GLI2: variants seen among roughly 807,000 people sequenced by gnomAD.
GLI2 encodes the protein transcription activator GLI2.
Under a neutral mutation model 78.9 loss-of-function variants are expected in GLI2, and 22 were observed. That is an observed-to-expected ratio of 0.28 (90% CI 0.20 to 0.40). The LOEUF (loss-of-function observed/expected upper bound fraction) is 0.40. GLI2 is among the 10% of genes least tolerant of loss of function. The pLI is 1.00. For missense variants in GLI2, 2,097 were observed against 2,213.2 expected (o/e 0.95, Z 1.05); for synonymous variants, 974 against 963.7 (o/e 1.01, Z -0.20).
At chr2:120,906,973 T>C (rs1678565727) in intron 2 of GLI2, among the ~76,000 whole-genome samples, 1 of 152,158 alleles carries the variant, frequency 6.6e-6, no homozygotes, top group African/African-American at 2.4e-5. Flanking sequence ...AGTGTCTTAA[T>C]TCATCCCCTT....
chr2:120,773,931 T>TTCCTTCCC lies in GLI2; in HGVS notation c.-30-23357_-30-23356insTTCCCTCC, dbSNP rs1380796572. Among the ~76,000 whole-genome samples, 260 of 70,722 alleles carry TTCCTTCCC rather than the reference T, an allele frequency of 3.7e-3. 2 individuals carry two copies. Among genetic ancestry groups the TTCCTTCCC allele is most frequent in the African/African-American group, 0.017 (239 of 14,166 alleles). 46.4% of individuals were successfully genotyped at this position (70,722 alleles called of 152,430 possible). On this transcript the variant is annotated intron_variant, in intron 1 of 13. Coordinates refer to ENST00000361492, the MANE Select transcript of GLI2 (RefSeq NM_001374353.1). The stretch of plus-strand genomic sequence containing the variant: ...CTTCCTTCCTTCCTTCCTTCCTTCC[T>TTCCTTCCC]TCCCTCCCTCCCTCCCTCCCTCCTT...
chr2:120,779,858 C>T lies in GLI2; in HGVS notation c.-30-17433C>T, dbSNP rs555871024. Reference sequence around the variant, plus strand: ...GGCAGCCTCGGGCTCTGTTCTCCTTCCCAGCCCGGGAGAGTGCAGGTCTGA... The same window carrying T: ...GGCAGCCTCGGGCTCTGTTCTCCTTTCCAGCCCGGGAGAGTGCAGGTCTGA... On this transcript the variant is annotated intron_variant, in intron 1 of 13. Coordinates refer to ENST00000361492, the MANE Select transcript of GLI2 (RefSeq NM_001374353.1). 1.2e-4 allele frequency among the ~76,000 whole-genome samples: 18 copies of T among 152,348 alleles called. No homozygotes were observed. The South Asian group carries it at 2.3e-3, about 19-fold the overall frequency.
intron 10 of GLI2, among the ~76,000 whole-genome samples, chr2:120,980,430 G>A (rs933075010): frequency 2.0e-5 from 3 of 152,270 alleles, no homozygotes; most frequent in Non-Finnish European, 2.9e-5. Flanking sequence ...GGCCATTTGC[G>A]TATCTTCTCT....
At chr2:120,839,605 C>T (rs1431648058) in intron 2 of GLI2, among the ~76,000 whole-genome samples, 1 of 152,188 alleles carries the variant, frequency 6.6e-6, no homozygotes, top group Non-Finnish European at 1.5e-5. Flanking sequence ...TCTTGTCACT[C>T]AGGCTGGAGT....
intron 1 of GLI2, among the ~76,000 whole-genome samples, chr2:120,748,471 A>G (rs952402876): frequency 2.0e-5 from 3 of 151,992 alleles, no homozygotes; most frequent in African/African-American, 7.3e-5. Flanking sequence ...TGGGCAGAGG[A>G]CCTCATAGGG....
At chr2:120,985,226 T>C (rs1205021349) in intron 12 of GLI2, among the ~76,000 whole-genome samples, 2 of 152,070 alleles carry the variant, frequency 1.3e-5, no homozygotes, top group Non-Finnish European at 2.9e-5. Context: ...GAGCTGGGCA[T>C]GTGTGGGTGG....
chr2:120,976,559 AAGG>A (rs2105042141), intron 9 of GLI2, among the ~76,000 whole-genome samples: 1 of 152,338 alleles, frequency 6.6e-6, no homozygotes, highest in South Asian at 2.1e-4. Context: ...AGTTAGATGA[AAGG>A]AGGAGAGAGG....
In GLI2 at chr2:120,753,868, A is replaced by T. The variant is rs577357228; in HGVS notation, c.-31+17583A>T. 1.3e-4 allele frequency among the ~76,000 whole-genome samples: 19 copies of T among 149,362 alleles called. No individual in the cohort carries two copies. In the South Asian group the frequency reaches 4.1e-3, roughly 32 times the overall value. ...ATCTTGGCTCACGCGGTGAGCCGAG[A>T]TCGCGCCACTGCACTCCAGCCTGGG... On this transcript the variant is annotated intron_variant, in intron 1 of 13. Transcript: ENST00000361492.
intron 5 of GLI2, among the ~76,000 whole-genome samples, chr2:120,958,383 G>A (rs929989488): frequency 6.6e-6 from 1 of 152,090 alleles, no homozygotes; most frequent in Admixed American, 6.5e-5. Context: ...TGCTGCCTAA[G>A]CCCAGGCCCC....
intron 2 of GLI2, among the ~76,000 whole-genome samples, chr2:120,822,322 A>G (rs1056342600): frequency 6.6e-6 from 1 of 152,254 alleles, no homozygotes; most frequent in African/African-American, 2.4e-5. Flanking sequence ...TGCCCTGCAC[A>G]GCGGGTCCAG....
At position 120,952,164 on chromosome 2, in the gene GLI2, T is replaced by G. The variant is rs541643513; in HGVS notation, c.457+719T>G. 9.8e-5 allele frequency among the ~76,000 whole-genome samples: 15 copies of G among 152,370 alleles called. No homozygotes were observed. In the South Asian group the frequency reaches 2.7e-3, roughly 27 times the overall value. On this transcript the variant is annotated intron_variant, in intron 4 of 13. Transcript: ENST00000361492. ...GGCCAGTCCCACCATGCCGTCTCCCTGGGAAGTGCACCCCCATCCATAGCA... is the reference window on the plus strand; with the variant it reads ...GGCCAGTCCCACCATGCCGTCTCCCGGGGAAGTGCACCCCCATCCATAGCA...
intron 2 of GLI2, among the ~76,000 whole-genome samples, chr2:120,844,816 T>A (rs1409336822): frequency 6.6e-6 from 1 of 152,170 alleles, no homozygotes; most frequent in East Asian, 1.9e-4. Flanking sequence ...TGGGTAGGGA[T>A]AATCCTTATT....
chr2:120,926,868 G>A (rs1326262271), intron 2 of GLI2, among the ~76,000 whole-genome samples: 1 of 152,228 alleles, frequency 6.6e-6, no homozygotes, highest in Non-Finnish European at 1.5e-5. Flanking sequence ...GGTGGGATTT[G>A]GCCTTCCTGA....
chr2:120,793,633 G>C (rs1684249897), intron 1 of GLI2, among the ~76,000 whole-genome samples: 1 of 152,180 alleles, frequency 6.6e-6, no homozygotes, highest in African/African-American at 2.4e-5. Context: ...TGGTGGGAAG[G>C]CGAGGCCACG....
chr2:120,880,595 CCCA>C (rs1169533492), intron 2 of GLI2, among the ~76,000 whole-genome samples: 1 of 152,132 alleles, frequency 6.6e-6, no homozygotes, highest in Non-Finnish European at 1.5e-5. Flanking sequence ...TCTGCTTTGC[CCCA>C]CCAAGAGGCT....
intron 1 of GLI2, among the ~76,000 whole-genome samples, chr2:120,758,227 T>A (rs955107646): frequency 6.6e-6 from 1 of 151,976 alleles, no homozygotes; most frequent in African/African-American, 2.4e-5. Flanking sequence ...GGGCTGGAGG[T>A]TTGCATTTTA....
intron 12 of GLI2, 82 bp downstream of exon 12, chr2:120,984,825 C>T (rs1173629178): frequency 5.5e-6 from 8 of 1,452,740 alleles, no homozygotes; most frequent in Non-Finnish European, 6.7e-6. Flanking sequence ...GTTGCGGGCT[C>T]TGCCCTAAGG....
intron 3 of GLI2, among the ~76,000 whole-genome samples, chr2:120,936,719 G>A (rs1220336222): frequency 2.0e-5 from 3 of 152,172 alleles, no homozygotes; most frequent in African/African-American, 4.8e-5. Context: ...CCTTTGAGGT[G>A]GGGAGTCCTC....
At chr2:120,799,664 G>C (rs1684600016) in intron 2 of GLI2, among the ~76,000 whole-genome samples, 1 of 152,230 alleles carries the variant, frequency 6.6e-6, no homozygotes, top group Admixed American at 6.5e-5. Flanking sequence ...AATCTGTGTC[G>C]AGAGTGGATT....
Sources: gnomAD v4.1 joint callset for allele counts (sites outside exome capture counted in the v4.1 genomes callset) on GRCh38, gnomAD v4.1.1 for gene constraint, MANE v1.5 for transcripts, NCBI Gene and HGNC (gene_info 2026-07-23, HGNC 2026-07-21) for gene names.